KCNK10: variants seen among roughly 807,000 people sequenced by gnomAD.
The protein encoded by KCNK10 is potassium channel subfamily K member 10.
A neutral mutation model predicts 47.7 loss-of-function variants in KCNK10; 25 were observed. That is an observed-to-expected ratio of 0.52 (90% CI 0.38 to 0.73). The LOEUF (loss-of-function observed/expected upper bound fraction) is 0.73. Among genes scored for constraint, KCNK10 ranks in the 30% least tolerant of loss-of-function variants. KCNK10 has a pLI of 0.00. For missense variants in KCNK10, 563 were observed against 714.5 expected (o/e 0.79, Z 2.42); for synonymous variants, 303 against 285.6 (o/e 1.06, Z -0.61).
upstream of KCNK10, chr14:88,323,622 G>C (rs1305338911): frequency 2.0e-5 from 3 of 151,322 alleles, no homozygotes; most frequent in South Asian, 6.0e-4. Context: ...GGCGGGGAAC[G>C]AGCGGTGGGC....
At position 88,323,218 on chromosome 14, in the gene KCNK10, G is replaced by A. The variant is rs985320568; in HGVS notation, c.-420C>T. 2.8e-5 allele frequency: 29 copies of A among 1,028,962 alleles called. 1 individual carries two copies. The African/African-American group carries it at 3.7e-4, about 13-fold the overall frequency. The allele number at this position is 1,028,962 out of a possible 1,614,324, so 63.7% of individuals were successfully genotyped here. Reference sequence around the variant, plus strand: ...CACTCCAGCCCCCGAAGGCGTGTGCGCACACACTCCCGCACACACACACCC... The same window carrying A: ...CACTCCAGCCCCCGAAGGCGTGTGCACACACACTCCCGCACACACACACCC... On this transcript the variant is annotated 5_prime_UTR_variant, in exon 1 of 7. Transcript: ENST00000319231.
chr14:88,302,783 G>T (rs1400288474), intron 1 of KCNK10, among the ~76,000 whole-genome samples: 2 of 152,188 alleles, frequency 1.3e-5, no homozygotes, highest in East Asian at 3.9e-4. Flanking sequence ...TGGAAATGAA[G>T]TGCTTCAAGA....
chr14:88,248,834 A>C (rs1886713690), intron 2 of KCNK10, among the ~76,000 whole-genome samples: 1 of 152,196 alleles, frequency 6.6e-6, no homozygotes, highest in African/African-American at 2.4e-5. Flanking sequence ...GAAACAAGGA[A>C]GTGCAGACAA....
intron 4 of KCNK10, among the ~76,000 whole-genome samples, chr14:88,208,133 T>C (rs1885339963): frequency 6.6e-6 from 1 of 152,228 alleles, no homozygotes. Flanking sequence ...ATATAATCTT[T>C]TCAGAAAATT....
intron 4 of KCNK10, among the ~76,000 whole-genome samples, chr14:88,222,473 A>AT: frequency 6.6e-6 from 1 of 152,222 alleles, no homozygotes; most frequent in East Asian, 1.9e-4. Context: ...TGGTAGACGC[A>AT]TGTCATTATA....
chr14:88,296,598 A>G (rs1887988536), intron 1 of KCNK10, among the ~76,000 whole-genome samples: 1 of 152,270 alleles, frequency 6.6e-6, no homozygotes. Context: ...ACTGCAATGA[A>G]TTTATGTGGC....
chr14:88,192,499 T>C (rs1884783465), intron 4 of KCNK10, 89 bp from the exon 5 acceptor site: 1 of 1,160,516 alleles, frequency 8.6e-7, no homozygotes, highest in Non-Finnish European at 1.2e-6. Context: ...ACTGTGTCAG[T>C]GACTTTTAAC....
At chr14:88,262,524 G>A (rs115670976) in intron 2 of KCNK10, among the ~76,000 whole-genome samples, 1,682 of 152,244 alleles carry the variant, frequency 0.011, 39 homozygotes, top group African/African-American at 0.039. Flanking sequence ...CACATCTGTC[G>A]CCCAGAAGTG....
chr14:88,274,216 A>G (rs1887475272), intron 1 of KCNK10, among the ~76,000 whole-genome samples: 1 of 151,532 alleles, frequency 6.6e-6, no homozygotes, highest in Admixed American at 6.6e-5. Flanking sequence ...CTTCTTCCAC[A>G]CACACTTCTC....
intron 1 of KCNK10, among the ~76,000 whole-genome samples, chr14:88,267,035 C>T (rs1391549271): frequency 6.6e-6 from 1 of 152,196 alleles, no homozygotes; most frequent in Non-Finnish European, 1.5e-5. Flanking sequence ...GAGCAAAAAC[C>T]AGAGTTTCAG....
intron 4 of KCNK10, among the ~76,000 whole-genome samples, chr14:88,216,924 A>AGGTGGGCAGATCACAG (rs1261463671): frequency 1.3e-5 from 2 of 152,208 alleles, no homozygotes; most frequent in East Asian, 1.9e-4. Context: ...TGGGAGGCCA[A>AGGTGGGCAGATCACAG]GGTGGGCAGA....
At chr14:88,319,253 T>G (rs1313597070) in intron 1 of KCNK10, among the ~76,000 whole-genome samples, 2 of 152,172 alleles carry the variant, frequency 1.3e-5, no homozygotes, top group East Asian at 3.9e-4. Flanking sequence ...CAATCTATTC[T>G]CAAACCACCT....
At position 88,232,227 on chromosome 14, in the gene KCNK10, C is replaced by T. The variant is rs112623322; in HGVS notation, c.521-4692G>A. ...ATCCAATAGAAACCATCAAAGAATACACTTTTCAAAGAACTTTAGTAATAT... is the reference window on the plus strand; with the variant it reads ...ATCCAATAGAAACCATCAAAGAATATACTTTTCAAAGAACTTTAGTAATAT... On this transcript the variant is annotated intron_variant, in intron 3 of 6. Coordinates refer to ENST00000319231, the MANE Select transcript of KCNK10 (RefSeq NM_138317.3). Among the ~76,000 whole-genome samples the T allele has an allele frequency of 9.3e-3, 1,414 of 152,286 alleles. 28 individuals are homozygous for T. Among genetic ancestry groups the T allele is most frequent in the African/African-American group, 0.032 (1,347 of 41,552 alleles).
intron 4 of KCNK10, among the ~76,000 whole-genome samples, chr14:88,201,689 A>G (rs1465728077): frequency 6.6e-6 from 1 of 152,168 alleles, no homozygotes; most frequent in African/African-American, 2.4e-5. Flanking sequence ...AGAAGGCTAC[A>G]CTGAAGCCTA....
At chr14:88,238,219 C>T (rs1026078641) in intron 3 of KCNK10, among the ~76,000 whole-genome samples, 1 of 152,218 alleles carries the variant, frequency 6.6e-6, no homozygotes, top group African/African-American at 2.4e-5. Context: ...GAAAAGAGCC[C>T]GCTTGCTCTG....
chr14:88,242,023 G>A (rs2139891801), intron 2 of KCNK10, among the ~76,000 whole-genome samples: 1 of 152,336 alleles, frequency 6.6e-6, no homozygotes, highest in African/African-American at 2.4e-5. Context: ...GGAAGCCTTG[G>A]AGAGGAGGTG....
intron 2 of KCNK10, among the ~76,000 whole-genome samples, chr14:88,254,072 T>C (rs1332343781): frequency 1.3e-5 from 2 of 152,118 alleles, no homozygotes; most frequent in Non-Finnish European, 2.9e-5. Context: ...GTTCCAGACC[T>C]AGCCCCAGCC....
chr14:88,264,947 A>T (rs915106314), intron 1 of KCNK10, among the ~76,000 whole-genome samples: 24 of 151,996 alleles, frequency 1.6e-4, no homozygotes, highest in Non-Finnish European at 2.9e-5. Flanking sequence ...TCTCCCATTC[A>T]TTCTGCCTCA....
At chr14:88,317,423 G>A (rs144657571) in intron 1 of KCNK10, among the ~76,000 whole-genome samples, 1 of 152,280 alleles carries the variant, frequency 6.6e-6, no homozygotes, top group East Asian at 1.9e-4. Flanking sequence ...GTGTAGACCT[G>A]TACAATAAGC....
Sources: gnomAD v4.1 joint callset for allele counts (sites outside exome capture counted in the v4.1 genomes callset) on GRCh38, gnomAD v4.1.1 for gene constraint, MANE v1.5 for transcripts, NCBI Gene and HGNC (gene_info 2026-07-23, HGNC 2026-07-21) for gene names.